CUX1: variants seen among roughly 807,000 people sequenced by gnomAD.
CUX1 encodes protein CASP.
A neutral mutation model predicts 158.8 loss-of-function variants in CUX1; 31 were observed. The observed-to-expected ratio is 0.20, with a 90% CI of 0.15 to 0.26. CUX1 has a LOEUF of 0.26. Ranked by LOEUF, CUX1 falls within the 10% of genes least tolerant of loss-of-function variation. The probability of loss-of-function intolerance (pLI) is 1.00; values close to 1 mark genes in which losing one functional copy is unlikely to be tolerated. For synonymous variants in CUX1, 879 were observed against 862.1 expected (o/e 1.02, Z -0.34); for missense variants, 1,589 against 2,014.6 (o/e 0.79, Z 4.04).
At chr7:102,084,527 A>C (rs1470021461) in intron 4 of CUX1, among the ~76,000 whole-genome samples, 1 of 138,396 alleles carries the variant, frequency 7.2e-6, no homozygotes, top group African/African-American at 2.5e-5. Flanking sequence ...GGGTTTAAGC[A>C]ATTCCCTGCC....
chr7:102,225,917 T>G (rs1563443583), intron 20 of CUX1, among the ~76,000 whole-genome samples: 1 of 152,258 alleles, frequency 6.6e-6, no homozygotes, highest in East Asian at 1.9e-4. Context: ...TCACCCTCAG[T>G]GGGCATCAGG....
intron 9 of CUX1, among the ~76,000 whole-genome samples, chr7:102,161,949 C>T (rs1790468847): frequency 6.6e-6 from 1 of 152,148 alleles, no homozygotes; most frequent in Admixed American, 6.5e-5. Flanking sequence ...ATAAGGAAAA[C>T]AGCTCCTTGG....
At chr7:102,026,178 C>CA (rs985898670) in intron 2 of CUX1, among the ~76,000 whole-genome samples, 1 of 151,786 alleles carries the variant, frequency 6.6e-6, no homozygotes, top group African/African-American at 2.4e-5. Flanking sequence ...GACCCTGTCT[C>CA]AAAAAAACAA....
chr7:101,837,025 T>C (rs1469929690), intron 1 of CUX1, among the ~76,000 whole-genome samples: 2 of 152,216 alleles, frequency 1.3e-5, no homozygotes, highest in Non-Finnish European at 2.9e-5. Context: ...GCCATTGTGT[T>C]ATTTGGAGAT....
At chr7:102,119,800 G>C (rs1026758860) in intron 8 of CUX1, among the ~76,000 whole-genome samples, 2 of 152,012 alleles carry the variant, frequency 1.3e-5, no homozygotes, top group East Asian at 1.9e-4. Flanking sequence ...TCCCGTCTTA[G>C]CCTCTCAAAG....
intron 16 of CUX1, chr7:102,275,101 C>G (rs1554547382): frequency 1.6e-6 from 1 of 617,312 alleles, no homozygotes; most frequent in African/African-American, 1.9e-5. Flanking sequence ...CCCCGACCTG[C>G]CCAGCACCAG....
intron 2 of CUX1, among the ~76,000 whole-genome samples, chr7:101,987,689 G>T (rs967089319): frequency 6.6e-6 from 1 of 152,200 alleles, no homozygotes; most frequent in Non-Finnish European, 1.5e-5. Flanking sequence ...GTGTCCTGGC[G>T]CAGGGCACGT....
chr7:102,121,154 T>C (rs925703304), intron 8 of CUX1, among the ~76,000 whole-genome samples: 2 of 152,084 alleles, frequency 1.3e-5, no homozygotes, highest in East Asian at 1.9e-4. Context: ...GTGGGATGGA[T>C]ACTTTCTTTT....
rs1341224090 is a variant in CUX1, at chr7:102,028,197, G to A, written c.189+52G>A. On this transcript the variant is annotated intron_variant, in intron 3 of 23. Coordinates refer to ENST00000292535, the MANE Select transcript of CUX1 (RefSeq NM_181552.4). ...CTGAGCCACCCTTCGTGGCTAATTG[G>A]TCTTTTTATTCACATTAAAGAAATG... 5.1e-6 allele frequency: 8 copies of A among 1,583,150 alleles called. No individual in the cohort carries two copies. In the South Asian group the frequency reaches 8.9e-5, roughly 18 times the overall value.
intron 17 of CUX1, chr7:102,275,366 C>T (rs369043785): frequency 1.2e-6 from 2 of 1,606,058 alleles, no homozygotes; most frequent in African/African-American, 2.7e-5. Flanking sequence ...GGCCGTGAGT[C>T]ACATCCTTCT....
intron 2 of CUX1, among the ~76,000 whole-genome samples, chr7:101,944,569 C>T (rs959601139): frequency 2.0e-5 from 3 of 152,210 alleles, no homozygotes; most frequent in Non-Finnish European, 4.4e-5. Flanking sequence ...AAGTGGGGAT[C>T]TGCCTAAGGT....
chr7:102,146,192 C>G (rs186809249), intron 8 of CUX1, among the ~76,000 whole-genome samples: 14 of 152,300 alleles, frequency 9.2e-5, no homozygotes, highest in African/African-American at 2.4e-4. Context: ...CCTGGAGGCA[C>G]TGTGCGGTCT....
intron 1 of CUX1, among the ~76,000 whole-genome samples, chr7:101,875,867 G>A (rs1240745026): frequency 1.3e-5 from 2 of 151,188 alleles, no homozygotes; most frequent in African/African-American, 4.9e-5. Context: ...CTTTCTCTCT[G>A]ATTTTTACAA....
intron 21 of CUX1, 116 bp downstream of exon 21, chr7:102,227,785 C>T (rs1798497891): frequency 1.9e-6 from 2 of 1,033,492 alleles, no homozygotes; most frequent in East Asian, 4.9e-5. Flanking sequence ...TGTAGGCACC[C>T]TTTGAGAACA....
intron 2 of CUX1, among the ~76,000 whole-genome samples, chr7:101,926,453 G>A (rs1197253582): frequency 6.6e-6 from 1 of 152,148 alleles, no homozygotes; most frequent in Non-Finnish European, 1.5e-5. Flanking sequence ...TTGCCGCATG[G>A]TCTGGAGGGC....
chr7:102,132,862 G>A (rs1471648593), intron 8 of CUX1, among the ~76,000 whole-genome samples: 1 of 151,884 alleles, frequency 6.6e-6, no homozygotes, highest in African/African-American at 2.4e-5. Context: ...AGTAGTGACA[G>A]GGTTCACCAT....
At chr7:102,279,927 C>T in intron 18 of CUX1, 1 of 727,464 alleles carries the variant, frequency 1.4e-6, no homozygotes, top group Non-Finnish European at 2.4e-6. Flanking sequence ...GGGCTCCCTC[C>T]CCCACTTCCC....
intron 8 of CUX1, among the ~76,000 whole-genome samples, chr7:102,151,916 T>C (rs1835732715): frequency 6.6e-6 from 1 of 151,848 alleles, no homozygotes; most frequent in South Asian, 2.1e-4. Flanking sequence ...CTTAGAAAAA[T>C]TAATAATGGG....
chr7:101,916,672 T>C lies in CUX1; in HGVS notation c.141+447T>C, dbSNP rs1036977756. 5.3e-5 allele frequency: 9 copies of C among 169,174 alleles called. No homozygotes were observed. The allele number at this position is 169,174 out of a possible 1,614,324, so 10.5% of individuals were successfully genotyped here. A position where few individuals can be genotyped will look rare whatever the true frequency, so the allele number is the denominator to read the frequency against. On this transcript the variant is annotated intron_variant, in intron 2 of 23. Coordinates refer to ENST00000292535, the MANE Select transcript of CUX1 (RefSeq NM_181552.4). This position sits in a 1 kb window ranked among gnomAD's most constrained non-coding sequence, Gnocchi z 4.4. ...TCTGAAGGCTGCACGCATCTGGGCATAGCAGTGCGCCTAACGCTTCTTGTA... is the reference window on the plus strand; with the variant it reads ...TCTGAAGGCTGCACGCATCTGGGCACAGCAGTGCGCCTAACGCTTCTTGTA...
Sources: allele counts gnomAD v4.1 joint callset (sites outside exome capture counted in the v4.1 genomes callset), GRCh38; gene constraint gnomAD v4.1.1; non-coding constraint Gnocchi (gnomAD v3.1); transcripts MANE v1.5; gene names NCBI Gene and HGNC (gene_info 2026-07-23, HGNC 2026-07-21).